The following SLC36A2 variants were observed in gnomAD, a reference collection of about 807,000 sequenced individuals.
SLC36A2 encodes the protein solute carrier family 36 member 2.
In SLC36A2, 39 loss-of-function variants were observed where a neutral mutation model predicts 42.7. The observed-to-expected ratio is 0.91, with a 90% CI of 0.71 to 1.19. The LOEUF is 1.19. Among genes scored for constraint, SLC36A2 ranks in the 50% most tolerant of loss-of-function variants. The pLI is 0.00. For missense variants in SLC36A2, 590 were observed against 613.7 expected (o/e 0.96, Z 0.41); for synonymous variants, 237 against 240.8 (o/e 0.98, Z 0.15).
chr5:151,341,102 G>A (rs541970742), intron 4 of SLC36A2, among the ~76,000 whole-genome samples: 1 of 152,248 alleles, frequency 6.6e-6, no homozygotes, highest in South Asian at 2.1e-4. Flanking sequence ...GGAGATACAG[G>A]AACACATTAA....
chr5:151,322,063 A>T lies in SLC36A2; in HGVS notation c.1163T>A (p.Val388Asp), dbSNP rs772474462. The change falls in exon 9 of 10, where the codon GTC becomes GAC. Residue 388 changes from valine (V) to aspartate (D), a missense_variant. Coordinates refer to ENST00000335244, the MANE Select transcript of SLC36A2 (RefSeq NM_181776.3). ...ALPLDLSIRL[V>D]MVCLTCLLAI... ...CTACTCACATGTCAGGCAGACCATGACGAGGCGAATGGACAGATCCAGAGG... is the reference window on the plus strand; with the variant it reads ...CTACTCACATGTCAGGCAGACCATGTCGAGGCGAATGGACAGATCCAGAGG... The T allele has an allele frequency of 1.2e-6, 2 of 1,614,096 alleles. No individual in the cohort carries two copies. The highest frequency in any genetic ancestry group is 2.7e-5 in the African/African-American group (2 of 74,938).
chr5:151,330,557 T>C (rs141526320), intron 7 of SLC36A2, among the ~76,000 whole-genome samples: 17 of 152,330 alleles, frequency 1.1e-4, no homozygotes, highest in African/African-American at 3.6e-4. Context: ...TGAAGGTTCT[T>C]CATGCTGAAG....
chr5:151,315,076 C>G lies in SLC36A2; in HGVS notation c.*1741G>C, dbSNP rs1755456225. On this transcript the variant is annotated 3_prime_UTR_variant, in exon 10 of 10. Coordinates refer to ENST00000335244, the MANE Select transcript of SLC36A2 (RefSeq NM_181776.3). ...CAGCCTGACTGGGGTTGGATATAGT[C>G]TAGGATGGCTTTACTCGTGTCTGGA... is the stretch of plus-strand genomic sequence containing the variant. 6.6e-6 allele frequency: 1 copy of G among 152,650 alleles called. No homozygotes were observed. Among genetic ancestry groups the G allele is most frequent in the South Asian group, 2.1e-4 (1 of 4,828 alleles). The allele number at this position is 152,650 out of a possible 1,614,324, so 9.5% of individuals were successfully genotyped here. A position where few individuals can be genotyped will look rare whatever the true frequency, so the allele number is the denominator to read the frequency against.
At chr5:151,330,759 C>T (rs1755973252) in intron 7 of SLC36A2, among the ~76,000 whole-genome samples, 1 of 152,114 alleles carries the variant, frequency 6.6e-6, no homozygotes, top group Non-Finnish European at 1.5e-5. Flanking sequence ...GGCAATACAA[C>T]ATAAAGGCGG....
Position 151,342,895 on chromosome 5 carries a change from A to T in SLC36A2, c.433T>A (p.Trp145Arg), listed in dbSNP as rs1426631541. Residue 145 changes from tryptophan (W) to arginine (R), a missense_variant, in exon 4 of 10, where the codon TGG (tryptophan) becomes AGG (arginine). By Grantham distance (101) the Trp-to-Arg change is moderately radical. Transcript: ENST00000335244. ...AAAGCAAGAACAGGTTACCTTCCCCAGTGAGCGTGATTCTGGAGCCAGGCG... is the reference window on the plus strand; with the variant it reads ...AAAGCAAGAACAGGTTACCTTCCCCTGTGAGCGTGATTCTGGAGCCAGGCG... ...PNAWLQNHAHWGRHIVSFFLI... is the reference protein window; with the variant it reads ...PNAWLQNHAHRGRHIVSFFLI... 6.2e-7 allele frequency: 1 copy of T among 1,614,024 alleles called. No homozygotes were observed. The highest frequency in any genetic ancestry group is 1.7e-5 in the Admixed American group (1 of 60,010).
chr5:151,316,753 A>AG lies in SLC36A2; in HGVS notation c.*63_*64insC. ...GAAACTCCGTCTCAAAAAAAAAAAA[A>AG]AAAAAAAAAAGAGATCCATATAATT... is the stretch of plus-strand genomic sequence containing the variant. On this transcript the variant is annotated 3_prime_UTR_variant, in exon 10 of 10. Transcript: ENST00000335244. The AG allele has an allele frequency of 6.7e-7, 1 of 1,485,052 alleles. No homozygotes were observed. The highest frequency in any genetic ancestry group is 2.4e-5 in the East Asian group (1 of 41,380). The allele number at this position is 1,485,052 out of a possible 1,614,324, so 92.0% of individuals were successfully genotyped here. A position where few individuals can be genotyped will look rare whatever the true frequency, so the allele number is the denominator to read the frequency against.
In SLC36A2 at chr5:151,317,052, A is replaced by G. The variant is rs1282000568; in HGVS notation, c.1217T>C (p.Val406Ala). Residue 406 changes from valine (V) to alanine (A), a missense_variant, in exon 10 of 10, where the codon GTC becomes GCC. Val to Ala is a moderately conservative substitution (Grantham distance 64). Coordinates refer to ENST00000335244, the MANE Select transcript of SLC36A2 (RefSeq NM_181776.3). ...ACTCACGGAGCCCACCAGGGAGATG[A>G]CCAGGTCCAGGCGGGGGATGAGGAT... ...LAILIPRLDL[V>A]ISLVGSVSGT... The G allele has an allele frequency of 3.7e-6, 6 of 1,614,086 alleles. No individual in the cohort carries two copies. The South Asian group carries it at 6.6e-5, about 18-fold the overall frequency.
At chr5:151,336,710 G>A (rs1580858579) in intron 5 of SLC36A2, among the ~76,000 whole-genome samples, 1 of 132,914 alleles carries the variant, frequency 7.5e-6, no homozygotes, top group East Asian at 2.2e-4. Flanking sequence ...CACACATTAT[G>A]AACACCCCCT....
chr5:151,330,957 CTG>C (rs1036475118), intron 7 of SLC36A2, among the ~76,000 whole-genome samples: 4 of 152,088 alleles, frequency 2.6e-5, no homozygotes, highest in African/African-American at 9.7e-5. Flanking sequence ...GTAATCAAAA[CTG>C]TGTGGTTCTG....
chr5:151,317,053 C>T lies in SLC36A2; in HGVS notation c.1216G>A (p.Val406Ile). 1 of 1,614,000 alleles carries T rather than the reference C, an allele frequency of 6.2e-7. No individual in the cohort carries two copies. The highest frequency in any genetic ancestry group is 8.5e-7 in the Non-Finnish European group (1 of 1,180,016). ...CTCACGGAGCCCACCAGGGAGATGACCAGGTCCAGGCGGGGGATGAGGATG... is the reference window on the plus strand; with the variant it reads ...CTCACGGAGCCCACCAGGGAGATGATCAGGTCCAGGCGGGGGATGAGGATG... ...LAILIPRLDL[V>I]ISLVGSVSGT... Residue 406 changes from valine (V) to isoleucine (I), a missense_variant, in exon 10 of 10, where the codon GTC (valine) becomes ATC (isoleucine). Val to Ile is a conservative substitution (Grantham distance 29). Coordinates refer to ENST00000335244, the MANE Select transcript of SLC36A2 (RefSeq NM_181776.3).
At chr5:151,345,681 TA>T (rs1321873377) in intron 1 of SLC36A2, among the ~76,000 whole-genome samples, 6 of 152,232 alleles carry the variant, frequency 3.9e-5, no homozygotes. Flanking sequence ...GTCAGCGGGT[TA>T]CTTTGGAAAT....
At chr5:151,344,083 C>T in intron 2 of SLC36A2, 94 bp downstream of exon 2, 7 of 1,155,700 alleles carry the variant, frequency 6.1e-6, no homozygotes, top group Non-Finnish European at 7.7e-6. Flanking sequence ...CCCAGAAAGA[C>T]TGCTCACCAC....
At chr5:151,345,302 C>T (rs371980492) in intron 1 of SLC36A2, among the ~76,000 whole-genome samples, 5 of 152,244 alleles carry the variant, frequency 3.3e-5, no homozygotes, top group Admixed American at 1.3e-4. Flanking sequence ...GAAAGGAGCC[C>T]GGTCTCTGGG....
intron 7 of SLC36A2, chr5:151,332,362 A>T (rs1756022878): frequency 2.2e-6 from 1 of 454,694 alleles, no homozygotes. Context: ...TCCAAAGAAG[A>T]TGTGCAAATT....
chr5:151,342,812 G>A (rs17660330), intron 4 of SLC36A2, 76 bp downstream of exon 4: 22,874 of 1,287,414 alleles, frequency 0.018, 264 homozygotes, highest in Non-Finnish European at 0.022. Flanking sequence ...ACCTTTCCAG[G>A]GAAGAAGTCA....
intron 4 of SLC36A2, among the ~76,000 whole-genome samples, chr5:151,342,347 C>G (rs553759779): frequency 6.6e-6 from 1 of 152,158 alleles, no homozygotes; most frequent in South Asian, 2.1e-4. Context: ...CCTCCAGGCC[C>G]CTGTCCACCT....
chr5:151,325,258 C>G lies in SLC36A2; in HGVS notation c.1010+28G>C, dbSNP rs144650983. 1,495 of 1,610,030 alleles carry G rather than the reference C, an allele frequency of 9.3e-4. 15 individuals carry two copies. The African/African-American group carries it at 0.018, about 20-fold the overall frequency. The stretch of plus-strand genomic sequence containing the variant: ...ATACGTTTCCACCCATTCCTGAGTC[C>G]CCACCACCTGACAGCCCATGAAGAT... On this transcript the variant is annotated intron_variant, in intron 8 of 9. Transcript: ENST00000335244.
chr5:151,326,517 G>A (rs997802549), intron 7 of SLC36A2, among the ~76,000 whole-genome samples: 10 of 152,176 alleles, frequency 6.6e-5, no homozygotes, highest in Admixed American at 2.0e-4. Flanking sequence ...CCACACCCCA[G>A]GTTCTCACTC....
intron 4 of SLC36A2, 61 bp from the exon 5 acceptor site, chr5:151,339,205 C>T (rs1409835319): frequency 7.7e-7 from 1 of 1,291,200 alleles, no homozygotes; most frequent in African/African-American, 1.5e-5. Context: ...CTTGTCAGTT[C>T]CATTTCTTGC....
Sources: allele counts gnomAD v4.1 joint callset (sites outside exome capture counted in the v4.1 genomes callset), GRCh38; gene constraint gnomAD v4.1.1; transcripts MANE v1.5; gene names NCBI Gene and HGNC (gene_info 2026-07-23, HGNC 2026-07-21).